Variants in TTPA observed in about 807,000 individuals in gnomAD.
TTPA encodes the protein alpha-tocopherol transfer protein.
A neutral mutation model predicts 25.9 loss-of-function variants in TTPA; 23 were observed. That is an observed-to-expected ratio of 0.89 (90% CI 0.64 to 1.26). The LOEUF is 1.26. Ranked by LOEUF, TTPA falls within the 50% of genes most tolerant of loss-of-function variation. The pLI, the probability that TTPA is intolerant of heterozygous loss-of-function variation, is 0.00. For missense variants in TTPA, 337 were observed against 353.1 expected, an observed-to-expected ratio of 0.95 and a Z score of 0.37; for synonymous variants, 148 against 137.3, an observed-to-expected ratio of 1.08 and a Z score of -0.54.
At chr8:63,061,452 G>A (rs1180843855) in intron 4 of TTPA, 27 bp from the exon 5 acceptor site, 2 of 1,610,114 alleles carry the variant, frequency 1.2e-6, no homozygotes, top group Non-Finnish European at 1.7e-6. Context: ...ACTTTAGAAG[G>A]AAACCGCATT....
downstream of TTPA, among the ~76,000 whole-genome samples, chr8:63,058,813 T>C (rs1256196813): frequency 6.6e-6 from 1 of 152,080 alleles, no homozygotes; most frequent in Non-Finnish European, 1.5e-5. Context: ...GTGTTTGAAA[T>C]AAACAAAAAT....
chr8:63,083,285 C>T (rs2129789290), intron 1 of TTPA, among the ~76,000 whole-genome samples: 1 of 152,326 alleles, frequency 6.6e-6, no homozygotes, highest in African/African-American at 2.4e-5. Context: ...GGCACATATA[C>T]ACCATGTAAT....
chr8:63,073,557 A>T (rs1244249177), intron 1 of TTPA, among the ~76,000 whole-genome samples: 2 of 152,210 alleles, frequency 1.3e-5, no homozygotes, highest in African/African-American at 4.8e-5. Flanking sequence ...ACTGAATGAT[A>T]GCAATTCATG....
intron 1 of TTPA, among the ~76,000 whole-genome samples, chr8:63,078,834 G>C (rs1805613817): frequency 6.6e-6 from 1 of 152,046 alleles, no homozygotes; most frequent in South Asian, 2.1e-4. Flanking sequence ...GAAATACAGA[G>C]AACACCACAA....
intron 4 of TTPA, among the ~76,000 whole-genome samples, chr8:63,062,007 A>G (rs1037085626): frequency 2.6e-5 from 4 of 152,108 alleles, no homozygotes; most frequent in African/African-American, 9.7e-5. Context: ...GTTCAACACC[A>G]GCCTGGGCAA....
intron 3 of TTPA, 27 bp downstream of exon 3, chr8:63,065,877 T>A (rs1391303747): frequency 8.7e-6 from 14 of 1,609,300 alleles, no homozygotes; most frequent in Non-Finnish European, 1.2e-5. Context: ...GGAAGTATTA[T>A]GCCTGACAGT....
rs1805286231 is a variant in TTPA, at chr8:63,060,459, T to C, written c.*793A>G. ...ACGGCCAGGCGCGATGGCTCACGAC[T>C]GTAATCCCAGGACTCTGGGAGGCCG... On this transcript the variant is annotated 3_prime_UTR_variant, in exon 5 of 5. Transcript: ENST00000260116. 6.6e-6 allele frequency: 1 copy of C among 152,196 alleles called. No individual in the cohort carries two copies. The highest frequency in any genetic ancestry group is 1.5e-5 in the Non-Finnish European group (1 of 68,086). The allele number at this position is 152,196 out of a possible 1,614,324, so 9.4% of individuals were successfully genotyped here. A position where few individuals can be genotyped will look rare whatever the true frequency, so the allele number is the denominator to read the frequency against.
chr8:63,081,028 A>G lies in TTPA; in HGVS notation c.204+4790T>C, dbSNP rs1357067417. Among the ~76,000 whole-genome samples, 4 of 150,750 alleles carry G rather than the reference A, an allele frequency of 2.7e-5. No individual in the cohort carries two copies. The East Asian group carries it at 7.8e-4, about 29-fold the overall frequency. On this transcript the variant is annotated intron_variant, in intron 1 of 4. Coordinates refer to ENST00000260116, the MANE Select transcript of TTPA (RefSeq NM_000370.3). ...ATAGCCTACCAACCAAAAAAAAAAA[A>G]CAGACCGATTAACAGACAAATTCTA...
intron 2 of TTPA, among the ~76,000 whole-genome samples, chr8:63,067,500 A>T (rs1435319431): frequency 6.6e-6 from 1 of 151,904 alleles, no homozygotes; most frequent in Non-Finnish European, 1.5e-5. Flanking sequence ...AGGATGAACG[A>T]AAAAGAAAAA....
intron 2 of TTPA, among the ~76,000 whole-genome samples, chr8:63,069,484 C>T (rs951951026): frequency 6.6e-6 from 1 of 151,994 alleles, no homozygotes; most frequent in African/African-American, 2.4e-5. Flanking sequence ...AATCCCAGCA[C>T]TTTGTGGGTC....
At chr8:63,063,202 G>A (rs572560248) in intron 4 of TTPA, among the ~76,000 whole-genome samples, 2 of 152,188 alleles carry the variant, frequency 1.3e-5, no homozygotes, top group African/African-American at 4.8e-5. Flanking sequence ...TGTGTTCAAG[G>A]CATTAGATGA....
At chr8:63,080,739 A>G (rs1271476779) in intron 1 of TTPA, among the ~76,000 whole-genome samples, 1 of 149,280 alleles carries the variant, frequency 6.7e-6, no homozygotes, top group East Asian at 1.9e-4. Context: ...AAAAAAATAA[A>G]TAATAATAAT....
In TTPA at chr8:63,060,158, AC is replaced by A. The variant is rs1805281666; in HGVS notation, c.*1093del. ...AACATTTCCTTTCCTTTGTGTAGTT[AC>A]GTTATTGTTAACTAAAAACAGTCCA... On this transcript the variant is annotated 3_prime_UTR_variant, in exon 5 of 5. Transcript: ENST00000260116. The A allele has an allele frequency of 6.6e-6, 1 of 152,210 alleles. No individual in the cohort carries two copies. Among genetic ancestry groups the A allele is most frequent in the Non-Finnish European group, 1.5e-5 (1 of 68,038 alleles). 9.4% of individuals were successfully genotyped at this position (152,210 alleles called of 1,614,324 possible).
intron 1 of TTPA, among the ~76,000 whole-genome samples, chr8:63,080,490 G>A (rs1279594424): frequency 6.6e-6 from 1 of 152,116 alleles, no homozygotes; most frequent in African/African-American, 2.4e-5. Flanking sequence ...GGGAGGCCAA[G>A]GCAGGCGGAT....
chr8:63,074,381 C>T (rs1401316214), intron 1 of TTPA, among the ~76,000 whole-genome samples: 1 of 152,154 alleles, frequency 6.6e-6, no homozygotes, highest in Non-Finnish European at 1.5e-5. Flanking sequence ...TGATTTATCT[C>T]CCTCTCTTTC....
intron 4 of TTPA, among the ~76,000 whole-genome samples, chr8:63,064,000 C>G (rs923336479): frequency 2.6e-5 from 4 of 152,016 alleles, no homozygotes; most frequent in African/African-American, 9.7e-5. Flanking sequence ...ACCCCACAGT[C>G]TTACAACCAA....
chr8:63,061,120 A>G lies in TTPA; in HGVS notation c.*132T>C. 1.0e-6 allele frequency: 1 copy of G among 966,848 alleles called. No homozygotes were observed. The highest frequency in any genetic ancestry group is 2.6e-5 in the East Asian group (1 of 38,056). The allele number at this position is 966,848 out of a possible 1,614,324, so 59.9% of individuals were successfully genotyped here. The stretch of plus-strand genomic sequence containing the variant: ...CAAACACCTGTGTTGCTCATGTCAG[A>G]AGATTTCTACATTTTTAAAGTTCAG... On this transcript the variant is annotated 3_prime_UTR_variant, in exon 5 of 5. Transcript: ENST00000260116.
rs557835836 is a variant in TTPA, at chr8:63,067,639, G to A, written c.359-1542C>T. Among the ~76,000 whole-genome samples the A allele has an allele frequency of 3.1e-4, 47 of 152,042 alleles. 1 individual carries two copies. Among genetic ancestry groups the A allele is most frequent in the African/African-American group, 1.1e-3 (46 of 41,482 alleles). On this transcript the variant is annotated intron_variant, in intron 2 of 4. Transcript: ENST00000260116. Reference sequence around the variant, plus strand: ...TTTCAACTTTTATTTTAGATTCAGGGGGTGCATGTGCAGATTTGTTACCTT... The same window carrying A: ...TTTCAACTTTTATTTTAGATTCAGGAGGTGCATGTGCAGATTTGTTACCTT...
At chr8:63,083,458 G>A (rs1805695847) in intron 1 of TTPA, among the ~76,000 whole-genome samples, 1 of 152,096 alleles carries the variant, frequency 6.6e-6, no homozygotes, top group African/African-American at 2.4e-5. Context: ...GACACACAGT[G>A]GGGAACATCG....
Sources: allele counts gnomAD v4.1 joint callset (sites outside exome capture counted in the v4.1 genomes callset), GRCh38; gene constraint gnomAD v4.1.1; transcripts MANE v1.5; gene names NCBI Gene and HGNC (gene_info 2026-07-23, HGNC 2026-07-21).